The following FTO variants were observed in gnomAD, a reference collection of about 807,000 sequenced individuals.
FTO encodes the protein FTO alpha-ketoglutarate dependent dioxygenase, also known as alpha-ketoglutarate-dependent dioxygenase FTO.
In FTO, 47 loss-of-function variants were observed where a neutral mutation model predicts 63.9. That is an observed-to-expected ratio of 0.74 (90% CI 0.58 to 0.94). The LOEUF is 0.94. Among genes scored for constraint, FTO ranks in the 40% least tolerant of loss-of-function variants. The pLI is 0.00. For missense variants in FTO, 562 were observed against 618.1 expected (o/e 0.91, Z 0.96); for synonymous variants, 207 against 224.4 (o/e 0.92, Z 0.69).
intron 5 of FTO, among the ~76,000 whole-genome samples, chr16:53,877,790 C>T (rs1394809009): frequency 2.0e-5 from 3 of 151,430 alleles, no homozygotes; most frequent in African/African-American, 7.3e-5. Flanking sequence ...TAAAACAAAA[C>T]ACTATACATC....
rs990306262 is a variant in FTO, at chr16:54,118,068, A to T, written c.*6153A>T. Reference sequence around the variant, plus strand: ...CTGCACTTGCCTTTAGACAAAATTCATCAATTTTACAAAAGCCACTGACTA... The same window carrying T: ...CTGCACTTGCCTTTAGACAAAATTCTTCAATTTTACAAAAGCCACTGACTA... On this transcript the variant is annotated 3_prime_UTR_variant, in exon 9 of 9. Coordinates refer to ENST00000471389, the MANE Select transcript of FTO (RefSeq NM_001080432.3). 3 of 152,262 alleles carry T rather than the reference A, an allele frequency of 2.0e-5. No homozygotes were observed. The highest frequency in any genetic ancestry group is 7.2e-5 in the African/African-American group (3 of 41,476). The allele number at this position is 152,262 out of a possible 1,614,324, so 9.4% of individuals were successfully genotyped here. A position where few individuals can be genotyped will look rare whatever the true frequency, so the allele number is the denominator to read the frequency against.
intron 8 of FTO, among the ~76,000 whole-genome samples, chr16:53,997,104 C>T (rs2083949816): frequency 7.0e-6 from 1 of 142,142 alleles, no homozygotes; most frequent in African/African-American, 2.6e-5. Context: ...TGGAGCAAGA[C>T]TCTATCTAAA....
intron 1 of FTO, among the ~76,000 whole-genome samples, chr16:53,717,958 A>G (rs537380320): frequency 6.6e-6 from 1 of 152,204 alleles, no homozygotes; most frequent in Admixed American, 6.5e-5. Flanking sequence ...TTTACTTTCA[A>G]AAATTCTGTG....
chr16:54,092,986 G>A (rs2086428155), intron 8 of FTO, among the ~76,000 whole-genome samples: 1 of 152,202 alleles, frequency 6.6e-6, no homozygotes, highest in South Asian at 2.1e-4. Context: ...AGAGGTAGTT[G>A]CATTGTAAAA....
chr16:53,780,451 G>T (rs9972653), intron 1 of FTO, among the ~76,000 whole-genome samples: 59,787 of 151,780 alleles, frequency 0.39, 12,070 homozygotes, highest in African/African-American at 0.42. Flanking sequence ...CTTTCTTTTT[G>T]TTTGAGATGG....
At chr16:53,918,349 A>T (rs949860097) in intron 7 of FTO, among the ~76,000 whole-genome samples, 1 of 152,214 alleles carries the variant, frequency 6.6e-6, no homozygotes, top group African/African-American at 2.4e-5. Context: ...ATGTTACTGT[A>T]CTGCACACTG....
intron 8 of FTO, among the ~76,000 whole-genome samples, chr16:54,022,160 C>T (rs538494640): frequency 8.5e-5 from 13 of 152,266 alleles, no homozygotes; most frequent in Non-Finnish European, 1.3e-4. Context: ...AATGTCTGAT[C>T]ACCTGCCCTA....
At chr16:53,930,521 C>A (rs1014110367) in intron 7 of FTO, among the ~76,000 whole-genome samples, 2 of 151,840 alleles carry the variant, frequency 1.3e-5, no homozygotes, top group Admixed American at 6.6e-5. Context: ...CCGCGCCAGG[C>A]CAATTATCTT....
At chr16:53,931,573 G>T (rs2082285603) in intron 7 of FTO, among the ~76,000 whole-genome samples, 1 of 152,012 alleles carries the variant, frequency 6.6e-6, no homozygotes, top group Non-Finnish European at 1.5e-5. Context: ...GTCCTAAAGT[G>T]CTGGGATTAC....
At chr16:53,724,437 T>A (rs1392810564) in intron 1 of FTO, among the ~76,000 whole-genome samples, 1 of 152,210 alleles carries the variant, frequency 6.6e-6, no homozygotes, top group Non-Finnish European at 1.5e-5. Flanking sequence ...CTGTATATAA[T>A]GTTTATTTTC....
At chr16:54,061,530 A>G (rs1159268350) in intron 8 of FTO, 1 of 152,074 alleles carries the variant, frequency 6.6e-6, no homozygotes, top group African/African-American at 2.4e-5. Context: ...CCTGTTTAAA[A>G]AAACTCAGAC....
intron 7 of FTO, among the ~76,000 whole-genome samples, chr16:53,899,792 C>T (rs1162026110): frequency 6.6e-6 from 1 of 152,136 alleles, no homozygotes; most frequent in Non-Finnish European, 1.5e-5. Flanking sequence ...GACCTTTGGA[C>T]TGGAAAGCTT....
intron 8 of FTO, among the ~76,000 whole-genome samples, chr16:53,935,407 T>C (rs2082366233): frequency 6.6e-6 from 1 of 152,244 alleles, no homozygotes; most frequent in African/African-American, 2.4e-5. Context: ...TTATTCTCAT[T>C]GGATATCAGA....
At chr16:53,985,134 A>C (rs2083636761) in intron 8 of FTO, among the ~76,000 whole-genome samples, 1 of 152,176 alleles carries the variant, frequency 6.6e-6, no homozygotes, top group African/African-American at 2.4e-5. Context: ...GGTGGCAATT[A>C]GTCAATGACA....
chr16:53,918,223 G>A (rs1210288157), intron 7 of FTO, among the ~76,000 whole-genome samples: 1 of 152,124 alleles, frequency 6.6e-6, no homozygotes, highest in African/African-American at 2.4e-5. Flanking sequence ...ATTAGGTGAT[G>A]TTGTTGTTGT....
At chr16:54,039,820 C>CT (rs1422588570) in intron 8 of FTO, 2 of 152,212 alleles carry the variant, frequency 1.3e-5, no homozygotes, top group African/African-American at 2.4e-5. Flanking sequence ...TCTCTAATCA[C>CT]TTATTAGGCC....
At chr16:54,058,902 AC>A (rs1166728570) in intron 8 of FTO, among the ~76,000 whole-genome samples, 1 of 152,124 alleles carries the variant, frequency 6.6e-6, no homozygotes, top group Non-Finnish European at 1.5e-5. Context: ...AAATAGGAGA[AC>A]TTGTGAAATG....
chr16:53,864,565 C>T (rs1246756081), intron 4 of FTO, among the ~76,000 whole-genome samples: 1 of 152,162 alleles, frequency 6.6e-6, no homozygotes, highest in African/African-American at 2.4e-5. Context: ...TGCCAGGGCA[C>T]GCAGCATTCA....
At chr16:53,725,708 A>G (rs1459071994) in intron 1 of FTO, among the ~76,000 whole-genome samples, 1 of 152,128 alleles carries the variant, frequency 6.6e-6, no homozygotes, top group African/African-American at 2.4e-5. Flanking sequence ...ATGATGGGTT[A>G]TTTCCTCTCC....
Sources: gnomAD v4.1 joint callset for allele counts (sites outside exome capture counted in the v4.1 genomes callset) on GRCh38, gnomAD v4.1.1 for gene constraint, MANE v1.5 for transcripts, NCBI Gene and HGNC (gene_info 2026-07-23, HGNC 2026-07-21) for gene names.